MTMR12: variants seen among roughly 807,000 people sequenced by gnomAD.
MTMR12 encodes the protein myotubularin related protein 12.
MTMR12 carries 33 observed loss-of-function variants against 96.7 expected under a neutral mutation model. The ratio of observed to expected loss-of-function variants is 0.34; its 90% CI spans 0.26 to 0.46. The LOEUF is 0.46. MTMR12 is among the 20% of genes least tolerant of loss of function. The pLI is 1.00. For synonymous variants in MTMR12, 298 were observed against 327.2 expected (o/e 0.91, Z 0.96); for missense variants, 721 against 896.1 (o/e 0.80, Z 2.49).
At chr5:32,304,331 A>AC (rs1751273206) in intron 1 of MTMR12, among the ~76,000 whole-genome samples, 1 of 152,048 alleles carries the variant, frequency 6.6e-6, no homozygotes, top group Admixed American at 6.6e-5. Flanking sequence ...AAAAAAAAAA[A>AC]GAAAAGAAAA....
intron 10 of MTMR12, among the ~76,000 whole-genome samples, chr5:32,245,857 GT>G (rs1561751159): frequency 6.6e-6 from 1 of 152,074 alleles, no homozygotes; most frequent in Non-Finnish European, 1.5e-5. Context: ...ATAAGCAGAT[GT>G]TTTTGTGCTT....
chr5:32,240,123 G>A (rs1445395490), intron 12 of MTMR12, among the ~76,000 whole-genome samples: 11 of 152,124 alleles, frequency 7.2e-5, no homozygotes, highest in African/African-American at 1.7e-4. Flanking sequence ...ATTGTAGGCC[G>A]GGCGCGGTGG....
chr5:32,288,127 C>T (rs1750612116), intron 1 of MTMR12, among the ~76,000 whole-genome samples: 1 of 152,164 alleles, frequency 6.6e-6, no homozygotes, highest in African/African-American at 2.4e-5. Flanking sequence ...CATGCACAGC[C>T]TCGCCAGGTG....
intron 7 of MTMR12, among the ~76,000 whole-genome samples, chr5:32,259,085 T>C (rs528209359): frequency 3.2e-4 from 48 of 152,238 alleles, no homozygotes; most frequent in African/African-American, 7.5e-4. Flanking sequence ...GACATTCCCA[T>C]TGGACACAAG....
In MTMR12 at chr5:32,229,976, G is replaced by T. The variant is rs375553646; in HGVS notation, c.2046C>A (p.His682Gln). ...QSLQEKIDER[H>Q]HSQQAPQAEA... is the part of the protein sequence containing the mutation. The stretch of plus-strand genomic sequence containing the variant: ...CAGCCTGGGGGGCCTGCTGGCTGTG[G>T]TGTCTCTCGTCGATCTTCTCTTGTA... Residue 682 changes from histidine (H) to glutamine (Q), a missense_variant, in exon 16 of 16, where the codon CAC (histidine) becomes CAA (glutamine). By Grantham distance (24) the His-to-Gln change is conservative (BLOSUM62 0). Transcript: ENST00000382142. 4 of 1,612,388 alleles carry T rather than the reference G, an allele frequency of 2.5e-6. No homozygotes were observed. The highest frequency in any genetic ancestry group is 3.4e-6 in the Non-Finnish European group (4 of 1,178,740).
At chr5:32,301,032 G>A (rs1270398792) in intron 1 of MTMR12, among the ~76,000 whole-genome samples, 3 of 151,940 alleles carry the variant, frequency 2.0e-5, no homozygotes, top group Non-Finnish European at 2.9e-5. Context: ...CCGAGATCTC[G>A]CCACTGCACT....
intron 1 of MTMR12, among the ~76,000 whole-genome samples, chr5:32,311,824 G>T (rs1366639268): frequency 6.6e-6 from 1 of 152,136 alleles, no homozygotes; most frequent in Admixed American, 6.6e-5. Flanking sequence ...CCTCTACCTG[G>T]ACGACTCTTC....
intron 10 of MTMR12, 97 bp downstream of exon 10, chr5:32,247,905 G>A (rs1412901300): frequency 4.6e-6 from 7 of 1,506,028 alleles, no homozygotes; most frequent in African/African-American, 2.8e-5. Context: ...GCGTACTAAC[G>A]TAAGGAACCC....
intron 2 of MTMR12, among the ~76,000 whole-genome samples, chr5:32,274,500 A>G (rs1749973231): frequency 6.6e-6 from 1 of 152,186 alleles, no homozygotes; most frequent in Non-Finnish European, 1.5e-5. Flanking sequence ...CCCTAAGTGA[A>G]CACAGATGGG....
intron 1 of MTMR12, among the ~76,000 whole-genome samples, chr5:32,284,119 C>G (rs1750420429): frequency 6.6e-6 from 1 of 151,616 alleles, no homozygotes; most frequent in African/African-American, 2.4e-5. Flanking sequence ...CTAGCCTGGG[C>G]AACATGGCCA....
chr5:32,263,090 T>C (rs766142610), intron 7 of MTMR12, 23 bp downstream of exon 7: 13 of 1,613,624 alleles, frequency 8.1e-6, no homozygotes, highest in South Asian at 7.7e-5. Flanking sequence ...TTGTACAGCA[T>C]GTGCCCAGCA....
At chr5:32,296,484 A>C (rs1750928892) in intron 1 of MTMR12, 2 of 380,482 alleles carry the variant, frequency 5.3e-6, no homozygotes. Flanking sequence ...GTCTCCAAAA[A>C]AAGAAACGAG....
rs899914127 is a variant in MTMR12, at chr5:32,312,307, G to A, written c.81+451C>T. On this transcript the variant is annotated intron_variant, in intron 1 of 15. Coordinates refer to ENST00000382142, the MANE Select transcript of MTMR12 (RefSeq NM_001040446.3). The surrounding 1 kb of genome is among the most constrained non-coding windows in gnomAD (Gnocchi z 5.0). Reference sequence around the variant, plus strand: ...GGGCATCCCGCCAGCCGCACCCGAGGCACTCAGACGCAGGCAGCGGAGGCC... The same window carrying A: ...GGGCATCCCGCCAGCCGCACCCGAGACACTCAGACGCAGGCAGCGGAGGCC... Among the ~76,000 whole-genome samples the A allele has an allele frequency of 3.3e-5, 5 of 152,322 alleles. No individual in the cohort carries two copies. Among genetic ancestry groups the A allele is most frequent in the African/African-American group, 9.6e-5 (4 of 41,574 alleles).
At chr5:32,275,377 G>A (rs1264375203) in intron 2 of MTMR12, among the ~76,000 whole-genome samples, 1 of 152,150 alleles carries the variant, frequency 6.6e-6, no homozygotes, top group Non-Finnish European at 1.5e-5. Context: ...ATGTAAGCAA[G>A]GCTTCCTGTG....
chr5:32,285,847 A>C (rs1351732086), intron 1 of MTMR12, among the ~76,000 whole-genome samples: 1 of 152,190 alleles, frequency 6.6e-6, no homozygotes, highest in South Asian at 2.1e-4. Context: ...CTAGCATCAA[A>C]AAAGTTGCCA....
In MTMR12 at chr5:32,274,066, A is replaced by G. The variant is rs1749950541; in HGVS notation, c.199T>C (p.Cys67Arg). 1 of 1,614,130 alleles carries G rather than the reference A, an allele frequency of 6.2e-7. No individual in the cohort carries two copies. Among genetic ancestry groups the G allele is most frequent in the African/African-American group, 1.3e-5 (1 of 74,944 alleles). Reference sequence around the variant, plus strand: ...AGCCTCCCATAGACCCCATGCTGACAGGAATCTTCCTGGACATACTTCAGT... The same window carrying G: ...AGCCTCCCATAGACCCCATGCTGACGGGAATCTTCCTGGACATACTTCAGT... Reference protein sequence around the residue: ...TVLKYVQEDSCQHGVYGRLVC... With the variant: ...TVLKYVQEDSRQHGVYGRLVC... Residue 67 changes from cysteine to arginine, a missense_variant, in exon 3 of 16, where the codon TGT becomes CGT. Transcript: ENST00000382142.
At chr5:32,277,465 G>A (rs1015092647) in intron 1 of MTMR12, among the ~76,000 whole-genome samples, 7 of 152,094 alleles carry the variant, frequency 4.6e-5, no homozygotes, top group African/African-American at 1.4e-4. Flanking sequence ...TTGGGTGGCC[G>A]AGATGGGCAG....
In MTMR12 at chr5:32,312,559, T is replaced by TGCCTGCGCCGGGGTCCCCATTCCG. The variant is rs2111565746; in HGVS notation, c.81+175_81+198dup. On this transcript the variant is annotated intron_variant, in intron 1 of 15. Coordinates refer to ENST00000382142, the MANE Select transcript of MTMR12 (RefSeq NM_001040446.3). This position sits in a 1 kb window ranked among gnomAD's most constrained non-coding sequence, Gnocchi z 5.0. Reference sequence around the variant, plus strand: ...CGGGCCCTGCGCTCAGGCACCTGCCTGCCTGCGCCGGGGTCCCCATTCCGG... The same window carrying TGCCTGCGCCGGGGTCCCCATTCCG: ...CGGGCCCTGCGCTCAGGCACCTGCCTGCCTGCGCCGGGGTCCCCATTCCGGCCTGCGCCGGGGTCCCCATTCCGG... Among the ~76,000 whole-genome samples the TGCCTGCGCCGGGGTCCCCATTCCG allele has an allele frequency of 6.6e-6, 1 of 152,210 alleles. No individual in the cohort carries two copies. Among genetic ancestry groups the TGCCTGCGCCGGGGTCCCCATTCCG allele is most frequent in the South Asian group, 2.1e-4 (1 of 4,828 alleles).
At chr5:32,238,143 CAAAAAAAAAA>C (rs746835069) in intron 13 of MTMR12, among the ~76,000 whole-genome samples, 3 of 58,964 alleles carry the variant, frequency 5.1e-5, no homozygotes, top group Admixed American at 2.1e-4. Flanking sequence ...GACTCCGTCT[CAAAAAAAAAA>C]AAAAAAAAAA....
Sources: gnomAD v4.1 joint callset for allele counts (sites outside exome capture counted in the v4.1 genomes callset) on GRCh38, gnomAD v4.1.1 for gene constraint, Gnocchi (gnomAD v3.1) non-coding constraint, MANE v1.5 for transcripts, NCBI Gene and HGNC (gene_info 2026-07-23, HGNC 2026-07-21) for gene names.